Variants in PAPPA2 observed in about 807,000 individuals in gnomAD.
PAPPA2 encodes pappalysin-2.
Under a neutral mutation model 176.4 loss-of-function variants are expected in PAPPA2, and 86 were observed. The ratio of observed to expected loss-of-function variants is 0.49; its 90% CI spans 0.41 to 0.58. The LOEUF (loss-of-function observed/expected upper bound fraction) is 0.58, where lower values mean the gene tolerates loss of function less well. PAPPA2 is among the 20% of genes least tolerant of loss of function. The pLI, the probability that PAPPA2 is intolerant of heterozygous loss-of-function variation, is 0.00. For missense variants in PAPPA2, 2,073 were observed against 2,256.9 expected (o/e 0.92, Z 1.65); for synonymous variants, 809 against 852.2 (o/e 0.95, Z 0.88).
chr1:176,739,135 A>G (rs1571253374), intron 12 of PAPPA2, among the ~76,000 whole-genome samples: 2 of 152,188 alleles, frequency 1.3e-5, no homozygotes, highest in African/African-American at 4.8e-5. Flanking sequence ...AGAGGTTCTG[A>G]TAAAAATTTT....
In PAPPA2 at chr1:176,686,510, C is replaced by A. The variant is rs74127226; in HGVS notation, c.2138-3627C>A. Among the ~76,000 whole-genome samples the A allele has an allele frequency of 6.6e-3, 1,005 of 152,214 alleles. 15 individuals carry two copies. Among genetic ancestry groups the A allele is most frequent in the African/African-American group, 0.021 (857 of 41,528 alleles). ...CAAAATGAGATTTGGGGTGGGGACA[C>A]AGCCAAACTATATCACCATTGGAGA... On this transcript the variant is annotated intron_variant, in intron 4 of 22. Transcript: ENST00000367662.
chr1:176,491,440 A>G (rs866521859), intron 1 of PAPPA2, among the ~76,000 whole-genome samples: 1 of 152,166 alleles, frequency 6.6e-6, no homozygotes, highest in African/African-American at 2.4e-5. Context: ...AGATATTTGC[A>G]TGAGAAAAAA....
In PAPPA2 at chr1:176,570,273, G is replaced by A. The variant is rs1356712526; in HGVS notation, c.919+13032G>A. On this transcript the variant is annotated intron_variant, in intron 2 of 22. Transcript: ENST00000367662. The stretch of plus-strand genomic sequence containing the variant: ...ACCTTCTCCGGCCCTTTGAAAATCT[G>A]GAGTTTTAAAAACTCTCTTTTGGGG... Among the ~76,000 whole-genome samples, 3 of 152,044 alleles carry A rather than the reference G, an allele frequency of 2.0e-5. No individual in the cohort carries two copies. In the East Asian group the frequency reaches 5.8e-4, roughly 29 times the overall value.
intron 1 of PAPPA2, among the ~76,000 whole-genome samples, chr1:176,511,214 G>A (rs767301560): frequency 1.4e-4 from 21 of 152,072 alleles, no homozygotes; most frequent in Non-Finnish European, 2.4e-4. Flanking sequence ...CTAATCAAAT[G>A]AAAGCTGTAA....
At chr1:176,614,120 A>G (rs1229434499) in intron 3 of PAPPA2, among the ~76,000 whole-genome samples, 2 of 152,224 alleles carry the variant, frequency 1.3e-5, no homozygotes, top group African/African-American at 4.8e-5. Context: ...TGAGTAAGCT[A>G]CTAACCCAAC....
intron 21 of PAPPA2, among the ~76,000 whole-genome samples, chr1:176,826,479 T>A (rs561138967): frequency 1.3e-5 from 2 of 152,088 alleles, no homozygotes; most frequent in East Asian, 3.9e-4. Context: ...AGAGAATAGG[T>A]TCCATATGGG....
intron 12 of PAPPA2, among the ~76,000 whole-genome samples, chr1:176,719,488 A>G (rs1273275286): frequency 6.6e-6 from 1 of 152,140 alleles, no homozygotes; most frequent in Non-Finnish European, 1.5e-5. Context: ...GTTTGAATCC[A>G]CTTCCAGCAT....
intron 3 of PAPPA2, among the ~76,000 whole-genome samples, chr1:176,646,839 C>T (rs553300944): frequency 1.3e-5 from 2 of 151,540 alleles, no homozygotes; most frequent in Non-Finnish European, 3.0e-5. Flanking sequence ...GCTTCCAAAT[C>T]TTGGCTATTG....
intron 21 of PAPPA2, among the ~76,000 whole-genome samples, chr1:176,803,799 C>T (rs1361454613): frequency 6.6e-6 from 1 of 152,242 alleles, no homozygotes; most frequent in Non-Finnish European, 1.5e-5. Flanking sequence ...TTAAGCCAGA[C>T]TCCTTTGCAG....
chr1:176,755,537 T>C (rs1026440431), intron 14 of PAPPA2, among the ~76,000 whole-genome samples: 1 of 152,202 alleles, frequency 6.6e-6, no homozygotes, highest in Admixed American at 6.5e-5. Context: ...TGGGGAAGTG[T>C]CATTCCCTAG....
At chr1:176,491,836 T>C (rs1647309048) in intron 1 of PAPPA2, among the ~76,000 whole-genome samples, 1 of 152,210 alleles carries the variant, frequency 6.6e-6, no homozygotes, top group Non-Finnish European at 1.5e-5. Flanking sequence ...TGGTTTCATC[T>C]GGTATTATTG....
At chr1:176,698,927 C>T (rs1660511278) in intron 7 of PAPPA2, among the ~76,000 whole-genome samples, 173 bp from the exon 8 acceptor site, 2 of 152,152 alleles carry the variant, frequency 1.3e-5, no homozygotes, top group African/African-American at 2.4e-5. Flanking sequence ...ATGCTTTTTA[C>T]TTTTACACCT....
chr1:176,655,462 A>G (rs1174716272), intron 3 of PAPPA2, among the ~76,000 whole-genome samples: 1 of 151,884 alleles, frequency 6.6e-6, no homozygotes, highest in Admixed American at 6.6e-5. Flanking sequence ...TAAAATGGGC[A>G]AAGGAAATAA....
At chr1:176,641,413 G>A (rs1410346666) in intron 3 of PAPPA2, among the ~76,000 whole-genome samples, 2 of 151,356 alleles carry the variant, frequency 1.3e-5, no homozygotes, top group African/African-American at 4.9e-5. Flanking sequence ...CATATGGCTA[G>A]CCAGTTTTCC....
chr1:176,528,732 C>T (rs1232838882), intron 1 of PAPPA2, among the ~76,000 whole-genome samples: 1 of 152,214 alleles, frequency 6.6e-6, no homozygotes, highest in African/African-American at 2.4e-5. Flanking sequence ...TCAGCCCTAA[C>T]CTATCTTCTC....
chr1:176,754,508 C>T (rs1663327584), intron 14 of PAPPA2, among the ~76,000 whole-genome samples: 1 of 152,010 alleles, frequency 6.6e-6, no homozygotes, highest in Non-Finnish European at 1.5e-5. Flanking sequence ...AAATAAGCCC[C>T]ATGGCCCTGC....
Position 176,595,501 on chromosome 1 carries a change from A to G in PAPPA2, c.1897A>G (p.Asn633Asp), listed in dbSNP as rs752505849. 3 of 1,614,188 alleles carry G rather than the reference A, an allele frequency of 1.9e-6. No homozygotes were observed. In the South Asian group the frequency reaches 3.3e-5, roughly 18 times the overall value. Residue 633 changes from asparagine (N) to aspartate (D), a missense_variant, in exon 3 of 23, where the codon AAC (asparagine) becomes GAC (aspartate). By Grantham distance (23) the Asn-to-Asp change is conservative. This residue lies in a region of PAPPA2 where 1,196 missense variants were observed against 1,330.4 expected (regional missense o/e 0.90). Transcript: ENST00000367662. ...RRDGLCHVECNNMLNDFDDGD... is the reference protein window; with the variant it reads ...RRDGLCHVECDNMLNDFDDGD... ...GGATGGGCTCTGTCACGTGGAGTGT[A>G]ACAACATGCTGAACGACTTTGACGA...
At chr1:176,611,909 G>A (rs1206125182) in intron 3 of PAPPA2, among the ~76,000 whole-genome samples, 2 of 152,040 alleles carry the variant, frequency 1.3e-5, no homozygotes, top group Non-Finnish European at 2.9e-5. Context: ...TCCATGCCTA[G>A]AGAAATCCTT....
chr1:176,787,605 A>G (rs1664997915), intron 17 of PAPPA2, among the ~76,000 whole-genome samples: 1 of 152,210 alleles, frequency 6.6e-6, no homozygotes, highest in Admixed American at 6.5e-5. Flanking sequence ...ATTTAACAAT[A>G]AAACACTCCA....
Sources: gnomAD v4.1 joint callset for allele counts (sites outside exome capture counted in the v4.1 genomes callset) on GRCh38, gnomAD v4.1.1 for gene constraint, gnomAD v4.1.1 regional missense constraint, MANE v1.5 for transcripts, NCBI Gene and HGNC (gene_info 2026-07-23, HGNC 2026-07-21) for gene names.